Variants in TENM2 observed in about 807,000 individuals in gnomAD.
The protein encoded by TENM2 is teneurin transmembrane protein 2, also known as teneurin-2.
Under a neutral mutation model 245.2 loss-of-function variants are expected in TENM2, and 52 were observed. The observed-to-expected ratio is 0.21, with a 90% CI of 0.17 to 0.27. TENM2 has a LOEUF of 0.27. Among genes scored for constraint, TENM2 ranks in the 10% least tolerant of loss-of-function variants. TENM2 has a pLI of 1.00. For synonymous variants in TENM2, 1,363 were observed against 1,438.9 expected, an observed-to-expected ratio of 0.95 and a Z score of 1.19; for missense variants, 3,046 against 3,666.8, an observed-to-expected ratio of 0.83 and a Z score of 4.37.
At chr5:168,090,510 G>C in intron 7 of TENM2, 64 bp from the exon 10 acceptor site, 1 of 1,427,804 alleles carries the variant, frequency 7.0e-7, no homozygotes, top group Non-Finnish European at 9.5e-7. Context: ...CGGGGGGAAG[G>C]TACCAGGTAT....
intron 2 of TENM2, among the ~76,000 whole-genome samples, chr5:167,421,861 T>G (rs1304035801): frequency 6.6e-6 from 1 of 152,124 alleles, no homozygotes; most frequent in African/African-American, 2.4e-5. Context: ...GCCATGATCT[T>G]GGCTCACTGC....
At chr5:167,654,222 T>C (rs956987611) in intron 2 of TENM2, among the ~76,000 whole-genome samples, 2 of 152,266 alleles carry the variant, frequency 1.3e-5, no homozygotes, top group East Asian at 1.9e-4. Flanking sequence ...AACCTCATTT[T>C]AGAGTTATTG....
At chr5:168,106,326 T>C (rs1373426042) in intron 9 of TENM2, among the ~76,000 whole-genome samples, 2 of 140,390 alleles carry the variant, frequency 1.4e-5, no homozygotes, top group Non-Finnish European at 3.1e-5. Flanking sequence ...CATGGCTACA[T>C]GCCAGCACTA....
chr5:168,242,443 G>A (rs925217485), intron 25 of TENM2, among the ~76,000 whole-genome samples: 6 of 152,180 alleles, frequency 3.9e-5, no homozygotes, highest in Non-Finnish European at 8.8e-5. Context: ...CTGGTGAAGT[G>A]TATAAGAAGT....
chr5:168,124,343 T>C (rs1213271097), intron 10 of TENM2, among the ~76,000 whole-genome samples: 1 of 152,244 alleles, frequency 6.6e-6, no homozygotes, highest in African/African-American at 2.4e-5. Context: ...GACTCATAAG[T>C]TTCATTGGTT....
chr5:167,930,139 C>A (rs1034605166), intron 3 of TENM2, among the ~76,000 whole-genome samples: 1 of 152,152 alleles, frequency 6.6e-6, no homozygotes, highest in African/African-American at 2.4e-5. Context: ...CCAGAGCAGA[C>A]CAGAGATGTA....
At chr5:167,213,973 T>G in the TENM2 span, among the ~76,000 whole-genome samples, 1 of 152,224 alleles carries the variant, frequency 6.6e-6, no homozygotes, top group South Asian at 2.1e-4. Context: ...CATTGATTAT[T>G]TGGACAGAAG....
At chr5:167,533,584 G>A (rs551526072) in intron 2 of TENM2, among the ~76,000 whole-genome samples, 129 of 152,172 alleles carry the variant, frequency 8.5e-4, no homozygotes, top group Non-Finnish European at 1.6e-3. Flanking sequence ...AGCCTCCCAA[G>A]TAGTTGGGAC....
At position 168,223,923 on chromosome 5, in the gene TENM2, G is replaced by GAAA. The variant is rs10691179; in HGVS notation, c.5109-2158_5109-2156dup. ...ATACTGATATTTTTTACCCCTCCCT[G>GAAA]AAAAAAAAAGCTACTGTCAAGGGAG... is the stretch of plus-strand genomic sequence containing the variant. On this transcript the variant is annotated intron_variant, in intron 23 of 28. Coordinates refer to ENST00000518659, the Ensembl canonical transcript of TENM2. Among the ~76,000 whole-genome samples the GAAA allele has an allele frequency of 3.1e-4, 47 of 150,326 alleles. 2 individuals are homozygous for GAAA. Among genetic ancestry groups the GAAA allele is most frequent in the Admixed American group, 2.5e-3 (38 of 15,136 alleles).
the TENM2 span, among the ~76,000 whole-genome samples, chr5:167,094,746 C>T: frequency 7.2e-5 from 11 of 152,184 alleles, no homozygotes; most frequent in East Asian, 3.9e-4. Flanking sequence ...ATCTAATGTA[C>T]GGGCTGGGAA....
At chr5:167,820,017 G>A (rs970862718) in intron 2 of TENM2, among the ~76,000 whole-genome samples, 1 of 152,116 alleles carries the variant, frequency 6.6e-6, no homozygotes, top group African/African-American at 2.4e-5. Flanking sequence ...CTGCTTCCAT[G>A]TCAATTTCCT....
the TENM2 span, among the ~76,000 whole-genome samples, chr5:167,252,082 G>A: frequency 1.3e-5 from 2 of 152,082 alleles, no homozygotes; most frequent in African/African-American, 2.4e-5. Context: ...GTGTGATAAA[G>A]TTCTCCTGGC....
intron 2 of TENM2, among the ~76,000 whole-genome samples, chr5:167,599,945 A>C (rs1267134633): frequency 1.3e-5 from 2 of 151,870 alleles, no homozygotes; most frequent in East Asian, 3.9e-4. Flanking sequence ...CAGGAGTTCA[A>C]GACCAGTCTG....
At chr5:167,532,257 G>A (rs371816954) in intron 2 of TENM2, among the ~76,000 whole-genome samples, 1 of 152,110 alleles carries the variant, frequency 6.6e-6, no homozygotes. Flanking sequence ...CAAGTCATTA[G>A]AATTTATATA....
At chr5:168,055,754 G>T (rs1304230561) in intron 6 of TENM2, among the ~76,000 whole-genome samples, 4 of 152,142 alleles carry the variant, frequency 2.6e-5, no homozygotes, top group Non-Finnish European at 4.4e-5. Flanking sequence ...AGGACGTAGA[G>T]CACCTACAAT....
chr5:167,394,329 CT>C (rs1418668631), intron 2 of TENM2, among the ~76,000 whole-genome samples: 1 of 152,032 alleles, frequency 6.6e-6, no homozygotes, highest in Non-Finnish European at 1.5e-5. Context: ...CCAAATTAAT[CT>C]TTTTCACATG....
intron 23 of TENM2, among the ~76,000 whole-genome samples, chr5:168,221,718 T>G (rs1763687269): frequency 6.6e-6 from 1 of 152,170 alleles, no homozygotes; most frequent in African/African-American, 2.4e-5. Flanking sequence ...TGCAGGCCAC[T>G]GGGTCTTGAT....
At chr5:167,405,792 ACACACACG>A (rs1762606574) in intron 2 of TENM2, among the ~76,000 whole-genome samples, 1 of 151,610 alleles carries the variant, frequency 6.6e-6, no homozygotes, top group Admixed American at 6.6e-5. Flanking sequence ...ACACACACAC[ACACACACG>A]CACACAGAGA....
rs142388976 is a variant in TENM2 at position 167,742,491 on chromosome 5, T to A, written c.503-133495T>A. 4.8e-4 allele frequency among the ~76,000 whole-genome samples: 73 copies of A among 152,232 alleles called. 1 individual carries two copies. The East Asian group carries it at 0.014, about 29-fold the overall frequency. On this transcript the variant is annotated intron_variant, in intron 2 of 28. Coordinates refer to ENST00000518659, the Ensembl canonical transcript of TENM2. ...GTCATTTTTTCTTGCTGTGTATATG[T>A]CCATGTGGTTAGTATGTTAGCAGCT...
Sources: allele counts gnomAD v4.1 joint callset (sites outside exome capture counted in the v4.1 genomes callset), GRCh38; gene constraint gnomAD v4.1.1; transcripts MANE v1.5; gene names NCBI Gene and HGNC (gene_info 2026-07-23, HGNC 2026-07-21).